UGT3A1: variants seen among roughly 807,000 people sequenced by gnomAD.
UGT3A1 encodes UDP glycosyltransferase family 3 member A1.
UGT3A1 carries 40 observed loss-of-function variants against 37.6 expected under a neutral mutation model. The observed-to-expected ratio is 1.06, with a 90% CI of 0.83 to 1.38. The LOEUF is 1.38. Among genes scored for constraint, UGT3A1 ranks in the 40% most tolerant of loss-of-function variants. The probability of loss-of-function intolerance (pLI) is 0.00; values close to 1 mark genes in which losing one functional copy is unlikely to be tolerated. For missense variants in UGT3A1, 642 were observed against 634.2 expected (o/e 1.01, Z -0.13); for synonymous variants, 256 against 232.3 (o/e 1.10, Z -0.93).
In UGT3A1 at chr5:35,955,841, C is replaced by CA. The variant is rs368671400; in HGVS notation, c.1098dup (p.Val367CysfsTer116). The CA allele has an allele frequency of 8.9e-5, 143 of 1,614,076 alleles. No individual in the cohort carries two copies. In the African/African-American group the frequency reaches 1.6e-3, roughly 18 times the overall value. ...ACGCTGTTCTGCCCACCATGAGTGACAAAAAGACGGATGCTGGGGTGAGCT... is the reference window on the plus strand; with the variant it reads ...ACGCTGTTCTGCCCACCATGAGTGACAAAAAAGACGGATGCTGGGGTGAGCT... On this transcript the variant is annotated frameshift_variant, in exon 6 of 7. Transcript: ENST00000274278. LOFTEE classifies it high-confidence loss of function.
rs76993603 is a variant in UGT3A1, at chr5:35,979,237, C to T, written c.196+9213G>A. ...CTTCTCCTTACTTATGCAATTTCTG[C>T]AGCAGCTTAAATTTCTCCTCAGAAA... On this transcript the variant is annotated intron_variant, in intron 2 of 6. Transcript: ENST00000274278. 5.1e-3 allele frequency among the ~76,000 whole-genome samples: 782 copies of T among 152,288 alleles called. 19 individuals carry two copies. In the East Asian group the frequency reaches 0.055, roughly 11 times the overall value.
chr5:35,966,451 G>A (rs964235415), intron 3 of UGT3A1, among the ~76,000 whole-genome samples: 4 of 152,088 alleles, frequency 2.6e-5, no homozygotes, highest in South Asian at 2.1e-4. Context: ...CAGCTGAAAC[G>A]AGATTTTTCT....
chr5:35,990,404 G>A (rs1173491219), intron 1 of UGT3A1, among the ~76,000 whole-genome samples: 2 of 152,052 alleles, frequency 1.3e-5, no homozygotes, highest in African/African-American at 4.8e-5. Context: ...TCGATCCTGG[G>A]ATCGAGCTCA....
chr5:35,970,088 C>A (rs756135683), intron 2 of UGT3A1, among the ~76,000 whole-genome samples: 2 of 152,098 alleles, frequency 1.3e-5, no homozygotes, highest in Non-Finnish European at 2.9e-5. Context: ...GAAACTCTCT[C>A]TTATAAAACC....
chr5:35,966,292 C>CT (rs1739805936), intron 3 of UGT3A1, among the ~76,000 whole-genome samples: 2 of 152,154 alleles, frequency 1.3e-5, no homozygotes, highest in Admixed American at 6.5e-5. Flanking sequence ...TTGTGAGTGA[C>CT]TGTCTTTTCT....
chr5:35,975,382 A>G (rs1165304352), intron 2 of UGT3A1, among the ~76,000 whole-genome samples: 3 of 152,186 alleles, frequency 2.0e-5, no homozygotes, highest in Non-Finnish European at 4.4e-5. Flanking sequence ...ACATTGGACC[A>G]ATTCCATTAT....
At chr5:35,962,675 G>T in intron 4 of UGT3A1, 1 of 558,610 alleles carries the variant, frequency 1.8e-6, no homozygotes, top group South Asian at 2.2e-5. Context: ...TCGTCCTCAC[G>T]CCTACAGAAA....
At chr5:35,990,571 C>T (rs1397315769) in intron 1 of UGT3A1, among the ~76,000 whole-genome samples, 1 of 152,140 alleles carries the variant, frequency 6.6e-6, no homozygotes, top group East Asian at 1.9e-4. Context: ...GACCTGGGTT[C>T]TCTCCTCAGA....
chr5:35,982,477 G>A (rs1054924541), intron 2 of UGT3A1, among the ~76,000 whole-genome samples: 3 of 152,202 alleles, frequency 2.0e-5, no homozygotes, highest in African/African-American at 7.2e-5. Flanking sequence ...TCCCTGCTGG[G>A]TTTCAGACTT....
At chr5:35,955,564 G>T in intron 6 of UGT3A1, 81 bp downstream of exon 6, 2 of 1,500,798 alleles carry the variant, frequency 1.3e-6, no homozygotes, top group Non-Finnish European at 1.8e-6. Context: ...AGCTATTATT[G>T]TGAAAAATAC....
At chr5:35,959,554 T>G (rs536098985) in intron 4 of UGT3A1, among the ~76,000 whole-genome samples, 1 of 152,238 alleles carries the variant, frequency 6.6e-6, no homozygotes, top group South Asian at 2.1e-4. Context: ...ATGAAATCAT[T>G]AAATTGAATT....
At chr5:35,990,091 C>CA (rs397975621) in intron 1 of UGT3A1, among the ~76,000 whole-genome samples, 5,438 of 115,282 alleles carry the variant, frequency 0.047, 344 homozygotes, top group African/African-American at 0.16. Flanking sequence ...GACTCCGTCT[C>CA]AAAAAAAAAA....
upstream of UGT3A1, among the ~76,000 whole-genome samples, chr5:35,991,828 T>C (rs968897895): frequency 1.3e-5 from 2 of 152,212 alleles, no homozygotes; most frequent in African/African-American, 2.4e-5. Flanking sequence ...CTTTAGAAGA[T>C]AACATTCATG....
chr5:35,995,139 A>G (rs1741065412), upstream of UGT3A1, among the ~76,000 whole-genome samples: 1 of 152,162 alleles, frequency 6.6e-6, no homozygotes, highest in African/African-American at 2.4e-5. Context: ...TCTCTCTTAA[A>G]GAGCTATTGG....
intron 3 of UGT3A1, among the ~76,000 whole-genome samples, chr5:35,967,336 G>A (rs1168418581): frequency 6.6e-6 from 1 of 152,148 alleles, no homozygotes. Flanking sequence ...TTCAAGGAAA[G>A]CAAAGAGGAT....
At chr5:35,978,039 C>G (rs1156629901) in intron 2 of UGT3A1, among the ~76,000 whole-genome samples, 1 of 152,118 alleles carries the variant, frequency 6.6e-6, no homozygotes, top group East Asian at 1.9e-4. Flanking sequence ...TCAATTTTTA[C>G]TTTTTTTCTA....
In UGT3A1 at chr5:35,963,965, C is replaced by T. The variant is rs76902449; in HGVS notation, c.843+1421G>A. 1.2e-4 allele frequency among the ~76,000 whole-genome samples: 19 copies of T among 152,266 alleles called. 2 individuals are homozygous for T. The East Asian group carries it at 3.7e-3, about 29-fold the overall frequency. ...TGAGCCAAATGCTCATTCTATTTAA[C>T]ATATTGTTTAATGCATAGGAAGTTT... is the stretch of plus-strand genomic sequence containing the variant. On this transcript the variant is annotated intron_variant, in intron 4 of 6. Transcript: ENST00000274278.
chr5:35,960,187 T>C (rs993649554), intron 4 of UGT3A1, among the ~76,000 whole-genome samples: 2 of 152,206 alleles, frequency 1.3e-5, no homozygotes, highest in African/African-American at 2.4e-5. Context: ...AAAATCATTC[T>C]AAAATGTGTA....
Position 35,955,802 on chromosome 5 carries a change from G to A in UGT3A1, c.1138C>T (p.Arg380Cys), listed in dbSNP as rs201810712. Residue 380 changes from arginine to cysteine, a missense_variant, in exon 6 of 7, where the codon CGT (arginine) becomes TGT (cysteine). By Grantham distance (180) the Arg-to-Cys change is radical. Coordinates refer to ENST00000274278, the MANE Select transcript of UGT3A1 (RefSeq NM_152404.4). Reference protein sequence around the residue: ...GGQNSVMEAIRHGVPMVGLPV... With the variant: ...GGQNSVMEAICHGVPMVGLPV... Reference sequence around the variant, plus strand: ...AATCCCACCATGGGCACACCATGACGGATGGCCTCCATTACGCTGTTCTGC... The same window carrying A: ...AATCCCACCATGGGCACACCATGACAGATGGCCTCCATTACGCTGTTCTGC... The A allele has an allele frequency of 4.3e-6, 7 of 1,614,222 alleles. No homozygotes were observed. The highest frequency in any genetic ancestry group is 1.3e-5 in the African/African-American group (1 of 75,050).
Sources: gnomAD v4.1 joint callset for allele counts (sites outside exome capture counted in the v4.1 genomes callset) on GRCh38, gnomAD v4.1.1 for gene constraint, MANE v1.5 for transcripts, NCBI Gene and HGNC (gene_info 2026-07-23, HGNC 2026-07-21) for gene names.